The following CELF4 variants were observed in gnomAD, a reference collection of about 807,000 sequenced individuals.
The protein encoded by CELF4 is CUG-BP- and ETR-3-like factor 4.
Under a neutral mutation model 59.9 loss-of-function variants are expected in CELF4, and 18 were observed. That is an observed-to-expected ratio of 0.30 (90% CI 0.21 to 0.45). The LOEUF (loss-of-function observed/expected upper bound fraction) is 0.45. CELF4 is among the 20% of genes least tolerant of loss of function. The pLI is 1.00. For synonymous variants in CELF4, 261 were observed against 267.1 expected, an observed-to-expected ratio of 0.98 and a Z score of 0.22; for missense variants, 456 against 689.0, an observed-to-expected ratio of 0.66 and a Z score of 3.79.
chr18:37,530,188 C>T (rs1345664060), intron 1 of CELF4, among the ~76,000 whole-genome samples: 4 of 152,162 alleles, frequency 2.6e-5, no homozygotes, highest in East Asian at 1.9e-4. Flanking sequence ...ATAAGACTGA[C>T]ATGTACACAG....
intron 1 of CELF4, among the ~76,000 whole-genome samples, chr18:37,561,246 T>C (rs1190192500): frequency 2.0e-5 from 3 of 151,808 alleles, no homozygotes; most frequent in African/African-American, 4.8e-5. Context: ...CAAAGCAGAG[T>C]GGTTACCCAG....
At chr18:37,435,077 G>A (rs2099686136) in intron 2 of CELF4, among the ~76,000 whole-genome samples, 2 of 152,094 alleles carry the variant, frequency 1.3e-5, no homozygotes, top group South Asian at 4.1e-4. Flanking sequence ...GCCCCTGTCT[G>A]GGCTTCCCTG....
At chr18:37,437,524 G>A (rs1019558871) in intron 2 of CELF4, among the ~76,000 whole-genome samples, 4 of 152,154 alleles carry the variant, frequency 2.6e-5, no homozygotes, top group Admixed American at 1.3e-4. Flanking sequence ...GGCATAAATG[G>A]TCTTGGCTTG....
intron 1 of CELF4, among the ~76,000 whole-genome samples, chr18:37,525,318 C>T (rs1055933647): frequency 6.6e-6 from 1 of 152,178 alleles, no homozygotes; most frequent in Non-Finnish European, 1.5e-5. Context: ...TCCTTTCCAT[C>T]TTTAATGTGT....
chr18:37,342,986 C>T (rs1451743242), intron 2 of CELF4, among the ~76,000 whole-genome samples: 1 of 152,106 alleles, frequency 6.6e-6, no homozygotes, highest in East Asian at 1.9e-4. Flanking sequence ...CCATTCCCGT[C>T]CTTACACTGA....
chr18:37,304,626 G>A (rs2096279212), intron 3 of CELF4, among the ~76,000 whole-genome samples: 4 of 152,258 alleles, frequency 2.6e-5, no homozygotes, highest in South Asian at 4.1e-4. Context: ...GGGAGAGGCA[G>A]GTTCATTTTT....
intron 3 of CELF4, among the ~76,000 whole-genome samples, chr18:37,311,072 C>A (rs1289615095): frequency 6.6e-6 from 1 of 152,184 alleles, no homozygotes; most frequent in Non-Finnish European, 1.5e-5. Flanking sequence ...TCCCCTGAAA[C>A]AATCCTTTGC....
At chr18:37,529,179 C>T (rs1490440847) in intron 1 of CELF4, 1 of 152,102 alleles carries the variant, frequency 6.6e-6, no homozygotes, top group African/African-American at 2.4e-5. Context: ...TAGTACCAGC[C>T]TCCTTGCATC....
At chr18:37,302,003 CA>C (rs1392329286) in intron 3 of CELF4, among the ~76,000 whole-genome samples, 3 of 152,162 alleles carry the variant, frequency 2.0e-5, no homozygotes, top group African/African-American at 4.8e-5. Context: ...AACTGGGGAA[CA>C]TCGAAAAACT....
At chr18:37,440,996 C>A (rs1357949576) in intron 2 of CELF4, among the ~76,000 whole-genome samples, 1 of 152,172 alleles carries the variant, frequency 6.6e-6, no homozygotes, top group Non-Finnish European at 1.5e-5. Context: ...ATAGTGGATG[C>A]ATTATTTTTG....
intron 2 of CELF4, among the ~76,000 whole-genome samples, chr18:37,377,304 C>T (rs1427850756): frequency 6.6e-6 from 1 of 152,156 alleles, no homozygotes; most frequent in Non-Finnish European, 1.5e-5. Flanking sequence ...CTGAGGTCTA[C>T]ATGTCCCAAA....
chr18:37,504,779 G>T (rs767358703), intron 1 of CELF4, among the ~76,000 whole-genome samples: 26 of 152,206 alleles, frequency 1.7e-4, no homozygotes, highest in Admixed American at 7.9e-4. Flanking sequence ...TGGCGTGTCT[G>T]TGAGAAATAT....
chr18:37,358,002 C>T (rs1177421102), intron 2 of CELF4, among the ~76,000 whole-genome samples: 1 of 152,140 alleles, frequency 6.6e-6, no homozygotes, highest in Non-Finnish European at 1.5e-5. Context: ...AAGGGACTTG[C>T]CTTGTCTCAG....
intron 2 of CELF4, among the ~76,000 whole-genome samples, chr18:37,411,343 G>T (rs543186553): frequency 6.6e-6 from 1 of 152,318 alleles, no homozygotes; most frequent in Admixed American, 6.5e-5. Flanking sequence ...CCCAATGTGT[G>T]GGAGACGTGT....
At chr18:37,352,526 G>A (rs940137027) in intron 2 of CELF4, among the ~76,000 whole-genome samples, 9 of 151,824 alleles carry the variant, frequency 5.9e-5, no homozygotes, top group East Asian at 3.9e-4. Context: ...CCAGGAGTTC[G>A]AGACTGCAGT....
At chr18:37,392,554 A>C (rs1291208719) in intron 2 of CELF4, among the ~76,000 whole-genome samples, 2 of 152,154 alleles carry the variant, frequency 1.3e-5, no homozygotes, top group African/African-American at 4.8e-5. Context: ...CTCCAACAAC[A>C]GGCTGTTTCC....
chr18:37,354,893 T>C (rs2098537523), intron 2 of CELF4, among the ~76,000 whole-genome samples: 1 of 152,220 alleles, frequency 6.6e-6, no homozygotes, highest in South Asian at 2.1e-4. Flanking sequence ...GAAGTAGCAC[T>C]TAGGCCTCAG....
At chr18:37,383,851 C>T (rs950069861) in intron 2 of CELF4, among the ~76,000 whole-genome samples, 3 of 152,230 alleles carry the variant, frequency 2.0e-5, no homozygotes, top group Non-Finnish European at 4.4e-5. Flanking sequence ...GAGCTCCTCT[C>T]CTTGCTGGCT....
At position 37,423,289 on chromosome 18, in the gene CELF4, TTCTC is replaced by T. The variant is rs1479887246; in HGVS notation, c.369+62232_369+62235del. Among the ~76,000 whole-genome samples the T allele has an allele frequency of 1.8e-4, 27 of 152,278 alleles. 1 individual carries two copies. The highest frequency in any genetic ancestry group is 6.3e-4 in the African/African-American group (26 of 41,548). ...ACGTCCAGGTAGGCTGCCAGGGTCT[TTCTC>T]ATGAAATAAACAGCACTGGGAGCTT... On this transcript the variant is annotated intron_variant, in intron 2 of 12. Coordinates refer to ENST00000420428, the MANE Select transcript of CELF4 (RefSeq NM_020180.4).
Sources: allele counts gnomAD v4.1 joint callset (sites outside exome capture counted in the v4.1 genomes callset), GRCh38; gene constraint gnomAD v4.1.1; transcripts MANE v1.5; gene names NCBI Gene and HGNC (gene_info 2026-07-23, HGNC 2026-07-21).